Variants in SLC9B2 observed in about 807,000 individuals in gnomAD.
SLC9B2 encodes sodium/hydrogen exchanger 9B2.
SLC9B2 carries 39 observed loss-of-function variants against 52.2 expected under a neutral mutation model. That is an observed-to-expected ratio of 0.75 (90% CI 0.58 to 0.98). The LOEUF is 0.98. Ranked by LOEUF, SLC9B2 falls within the 50% of genes least tolerant of loss-of-function variation. The pLI, the probability that SLC9B2 is intolerant of heterozygous loss-of-function variation, is 0.00. For missense variants in SLC9B2, 626 were observed against 637.5 expected (o/e 0.98, Z 0.19); for synonymous variants, 214 against 227.0 (o/e 0.94, Z 0.51).
At chr4:103,057,458 C>T (rs1745250165) in intron 4 of SLC9B2, among the ~76,000 whole-genome samples, 2 of 151,830 alleles carry the variant, frequency 1.3e-5, no homozygotes, top group South Asian at 2.1e-4. Context: ...TGCACGTCAC[C>T]ATGCCCGGCT....
chr4:103,037,414 C>T (rs1346716962), intron 9 of SLC9B2, among the ~76,000 whole-genome samples: 1 of 152,108 alleles, frequency 6.6e-6, no homozygotes, highest in Non-Finnish European at 1.5e-5. Flanking sequence ...ATTGACAATG[C>T]TAAAATGAGG....
At chr4:103,050,210 A>T in intron 5 of SLC9B2, 30 bp downstream of exon 5, 1 of 1,532,476 alleles carries the variant, frequency 6.5e-7, no homozygotes, top group Non-Finnish European at 8.8e-7. Context: ...CAAGATTCCT[A>T]TTTAATAATG....
At chr4:103,063,408 T>C (rs191837143) in intron 3 of SLC9B2, among the ~76,000 whole-genome samples, 47 of 152,310 alleles carry the variant, frequency 3.1e-4, no homozygotes, top group Admixed American at 2.4e-3. Flanking sequence ...CAGATGATAA[T>C]GGTAAACATG....
At chr4:103,067,953 A>G (rs911332364) in intron 1 of SLC9B2, among the ~76,000 whole-genome samples, 24 of 152,216 alleles carry the variant, frequency 1.6e-4, no homozygotes, top group Non-Finnish European at 2.1e-4. Context: ...TAACTTTCCA[A>G]TGTTGATATG....
intron 4 of SLC9B2, among the ~76,000 whole-genome samples, chr4:103,055,944 CAG>C (rs1745100716): frequency 6.6e-6 from 1 of 151,526 alleles, no homozygotes; most frequent in South Asian, 2.1e-4. Flanking sequence ...GCTGGGACTA[CAG>C]GTGCCCGCCA....
In SLC9B2 at chr4:103,028,729, C is replaced by T; in HGVS notation, c.1392+18G>A. The T allele has an allele frequency of 6.3e-7, 1 of 1,591,058 alleles. No individual in the cohort carries two copies. The highest frequency in any genetic ancestry group is 1.2e-5 in the South Asian group (1 of 86,480). ...CAGAAATAGCAGTTAAAATGCTAAGCCATCCTATCCATCATACCTGAACTG... is the reference window on the plus strand; with the variant it reads ...CAGAAATAGCAGTTAAAATGCTAAGTCATCCTATCCATCATACCTGAACTG... On this transcript the variant is annotated intron_variant, in intron 11 of 11. Coordinates refer to ENST00000394785, the MANE Select transcript of SLC9B2 (RefSeq NM_178833.7).
In SLC9B2 at chr4:103,028,880, AG is replaced by A; in HGVS notation, c.1258del (p.Leu420PhefsTer6). On this transcript the variant is annotated frameshift_variant and splice_region_variant, in exon 11 of 12. Coordinates refer to ENST00000394785, the MANE Select transcript of SLC9B2 (RefSeq NM_178833.7). ...IASLRPETVG[L>X]CVATVGIAVL... ...TGCAATGCCTACGGTGGCAACACAA[AG>A]GCCTGTAAGAAATATTCAATTTTTA... The A allele has an allele frequency of 6.4e-7, 1 of 1,560,812 alleles. No homozygotes were observed. Among genetic ancestry groups the A allele is most frequent in the Non-Finnish European group, 8.6e-7 (1 of 1,161,996 alleles).
chr4:103,024,755 T>C lies in SLC9B2; in HGVS notation c.*1615A>G, dbSNP rs973755838. On this transcript the variant is annotated 3_prime_UTR_variant, in exon 12 of 12. Transcript: ENST00000394785. ...CATGATAAAAACTGTAAACTGTATG[T>C]GAATGTGATTATTTCAGTAACTACA... Among the ~76,000 whole-genome samples, 1 of 152,328 alleles carries C rather than the reference T, an allele frequency of 6.6e-6. No individual in the cohort carries two copies. The highest frequency in any genetic ancestry group is 1.9e-4 in the East Asian group (1 of 5,190).
chr4:103,040,705 A>G (rs943792832), intron 9 of SLC9B2, among the ~76,000 whole-genome samples: 7 of 152,242 alleles, frequency 4.6e-5, no homozygotes, highest in African/African-American at 1.7e-4. Context: ...ACAAGTGTCT[A>G]AATATGTGAA....
chr4:103,071,377 T>A (rs1746616919), intron 1 of SLC9B2, among the ~76,000 whole-genome samples: 1 of 142,878 alleles, frequency 7.0e-6, no homozygotes, highest in Non-Finnish European at 1.5e-5. Flanking sequence ...CTAATTTTTG[T>A]ATTTTTTTTT....
intron 9 of SLC9B2, among the ~76,000 whole-genome samples, 190 bp from the exon 10 acceptor site, chr4:103,031,998 T>A (rs544035344): frequency 2.6e-4 from 39 of 152,270 alleles, no homozygotes; most frequent in Admixed American, 3.9e-4. Context: ...TTAAGATACA[T>A]GAGGTGTTTT....
In SLC9B2 at chr4:103,043,365, GA is replaced by G. The variant is rs1425910667; in HGVS notation, c.1076del (p.Phe359SerfsTer30). On this transcript the variant is annotated frameshift_variant, in exon 9 of 12. Coordinates refer to ENST00000394785, the MANE Select transcript of SLC9B2 (RefSeq NM_178833.7). ...LAVFSSVHFG[F>X]PGSGGLCTLV... ...ACGTGCACAGTCCTCCTGATCCAGG[GA>G]AACCAAAATGCACACTGCTGAACAC... The G allele has an allele frequency of 6.2e-7, 1 of 1,613,810 alleles. No homozygotes were observed. Among genetic ancestry groups the G allele is most frequent in the South Asian group, 1.1e-5 (1 of 91,042 alleles).
At chr4:103,055,654 GA>G (rs201862528) in intron 4 of SLC9B2, among the ~76,000 whole-genome samples, 65 of 144,280 alleles carry the variant, frequency 4.5e-4, no homozygotes, top group Non-Finnish European at 5.8e-4. Context: ...ACAGCTAACA[GA>G]AAAAAAAAAA....
downstream of SLC9B2, chr4:103,019,989 T>C: frequency 6.4e-6 from 6 of 935,498 alleles, no homozygotes; most frequent in Non-Finnish European, 7.7e-6. Flanking sequence ...ACTCAGATTG[T>C]GTTTCCCCTA....
In SLC9B2 at chr4:103,044,855, C is replaced by G. The variant is rs200190653; in HGVS notation, c.996+35G>C. ...CTAGAATGTTTTCCCAATGATATTT[C>G]AGAGCACAACTTTCCCACATATTAT... On this transcript the variant is annotated intron_variant, in intron 8 of 11. Transcript: ENST00000394785. 11 of 1,497,056 alleles carry G rather than the reference C, an allele frequency of 7.3e-6. No individual in the cohort carries two copies. The East Asian group carries it at 1.8e-4, about 25-fold the overall frequency. 92.7% of individuals were successfully genotyped at this position (1,497,056 alleles called of 1,614,324 possible).
At chr4:103,068,008 G>A (rs1282888710) in intron 1 of SLC9B2, among the ~76,000 whole-genome samples, 7 of 152,164 alleles carry the variant, frequency 4.6e-5, no homozygotes, top group East Asian at 1.9e-4. Context: ...CATCCTTTTC[G>A]GAGAATCTAG....
chr4:103,037,225 T>C (rs943094271), intron 9 of SLC9B2, among the ~76,000 whole-genome samples: 1 of 152,198 alleles, frequency 6.6e-6, no homozygotes, highest in Non-Finnish European at 1.5e-5. Flanking sequence ...TATGTGTAGA[T>C]TACAATTATT....
At position 103,025,018 on chromosome 4, in the gene SLC9B2, T is replaced by G. The variant is rs1301281378; in HGVS notation, c.*1352A>C. Among the ~76,000 whole-genome samples, 1 of 152,196 alleles carries G rather than the reference T, an allele frequency of 6.6e-6. No individual in the cohort carries two copies. The highest frequency in any genetic ancestry group is 1.5e-5 in the Non-Finnish European group (1 of 68,030). On this transcript the variant is annotated 3_prime_UTR_variant, in exon 12 of 12. Coordinates refer to ENST00000394785, the MANE Select transcript of SLC9B2 (RefSeq NM_178833.7). Reference sequence around the variant, plus strand: ...AATATGCTACTGAATGATGGTAACATCCAACACAGTGGAAGCTCTGGCCCC... The same window carrying G: ...AATATGCTACTGAATGATGGTAACAGCCAACACAGTGGAAGCTCTGGCCCC...
rs767736372 is a variant in SLC9B2, at chr4:103,048,966, C to G, written c.640G>C (p.Val214Leu). Residue 214 changes from valine (V) to leucine (L), a missense_variant, in exon 6 of 12, where the codon GTG becomes CTG. Coordinates refer to ENST00000394785, the MANE Select transcript of SLC9B2 (RefSeq NM_178833.7). ...CVRLSMGPCIVEACTSALLAH... is the reference protein window; with the variant it reads ...CVRLSMGPCILEACTSALLAH... ...AGAAGAGCAGATGTGCACGCCTCCA[C>G]AATACAGGGACCCATGGACAGTCTT... 6.2e-7 allele frequency: 1 copy of G among 1,613,984 alleles called. No individual in the cohort carries two copies. The highest frequency in any genetic ancestry group is 1.1e-5 in the South Asian group (1 of 91,066).
Sources: allele counts gnomAD v4.1 joint callset (sites outside exome capture counted in the v4.1 genomes callset), GRCh38; gene constraint gnomAD v4.1.1; transcripts MANE v1.5; gene names NCBI Gene and HGNC (gene_info 2026-07-23, HGNC 2026-07-21).